CNST: variants seen among roughly 807,000 people sequenced by gnomAD.
CNST encodes the protein consortin, connexin sorting protein.
CNST carries 39 observed loss-of-function variants against 72.4 expected under a neutral mutation model. The observed-to-expected ratio is 0.54, with a 90% CI of 0.42 to 0.70. CNST has a LOEUF of 0.70. Ranked by LOEUF, CNST falls within the 30% of genes least tolerant of loss-of-function variation. CNST has a pLI of 0.00. For missense variants in CNST, 871 were observed against 868.5 expected (o/e 1.00, Z -0.04); for synonymous variants, 332 against 320.1 (o/e 1.04, Z -0.40).
rs552897557 is a variant in CNST, at chr1:246,589,361, G to T, written c.-51-2151G>T. On this transcript the variant is annotated intron_variant, in intron 1 of 10. Coordinates refer to ENST00000366513, the MANE Select transcript of CNST (RefSeq NM_152609.3). ...TTCCCACCTATGAGTGAGAACATGC[G>T]GTGTTTGGTTTTTTGTCCTTGTGAT... Among the ~76,000 whole-genome samples, 34 of 149,978 alleles carry T rather than the reference G, an allele frequency of 2.3e-4. 1 individual carries two copies. Among genetic ancestry groups the T allele is most frequent in the African/African-American group, 7.6e-4 (31 of 40,748 alleles).
chr1:246,635,347 G>A (rs1046656812), intron 6 of CNST, among the ~76,000 whole-genome samples: 1 of 151,656 alleles, frequency 6.6e-6, no homozygotes, highest in Non-Finnish European at 1.5e-5. Context: ...ATTATCAGTG[G>A]GATACCACAG....
chr1:246,665,800 C>T lies in CNST; in HGVS notation c.2073C>T (p.Asp691=). ...GGTALYCTFG[D]MESPVCTDFA... Reference sequence around the variant, plus strand: ...CTGCATTATACTGCACTTTCGGTGACATGGAGTCACCTGTTTGTACTGACT... The same window carrying T: ...CTGCATTATACTGCACTTTCGGTGATATGGAGTCACCTGTTTGTACTGACT... The change falls in exon 11 of 11, where the codon GAC becomes GAT. Residue 691 remains aspartate (D), a synonymous_variant. Coordinates refer to ENST00000366513, the MANE Select transcript of CNST (RefSeq NM_152609.3). 2.5e-6 allele frequency: 4 copies of T among 1,613,996 alleles called. No individual in the cohort carries two copies. Among genetic ancestry groups the T allele is most frequent in the Non-Finnish European group, 3.4e-6 (4 of 1,179,918 alleles).
chr1:246,651,816 T>G (rs1234491459), intron 9 of CNST, among the ~76,000 whole-genome samples: 1 of 152,212 alleles, frequency 6.6e-6, no homozygotes, highest in Non-Finnish European at 1.5e-5. Flanking sequence ...ATCAAAAATT[T>G]TATCCTCCTT....
chr1:246,647,919 C>A lies in CNST; in HGVS notation c.1718C>A (p.Ser573Tyr). 1.9e-6 allele frequency: 3 copies of A among 1,613,812 alleles called. No homozygotes were observed. The highest frequency in any genetic ancestry group is 2.5e-6 in the Non-Finnish European group (3 of 1,179,924). The change falls in exon 9 of 11, where the codon TCC becomes TAC. Residue 573 changes from serine (S) to tyrosine (Y), a missense_variant. Coordinates refer to ENST00000366513, the MANE Select transcript of CNST (RefSeq NM_152609.3). ...TATGAAGATAACCAAGACGACGACT[C>A]CGATCTCCTTCAAGATCTCTCTCCT... ...LSYEDNQDDDSDLLQDLSPEE... is the reference protein window; with the variant it reads ...LSYEDNQDDDYDLLQDLSPEE...
intron 1 of CNST, among the ~76,000 whole-genome samples, chr1:246,568,977 T>C (rs1175345038): frequency 6.6e-6 from 1 of 152,172 alleles, no homozygotes; most frequent in Non-Finnish European, 1.5e-5. Flanking sequence ...CATGCAATCC[T>C]CCCACCTCAG....
At chr1:246,575,658 TTG>T in intron 1 of CNST, among the ~76,000 whole-genome samples, 1 of 152,054 alleles carries the variant, frequency 6.6e-6, no homozygotes, top group Non-Finnish European at 1.5e-5. Flanking sequence ...CTAGAATTGA[TTG>T]TGTACAATTT....
intron 3 of CNST, among the ~76,000 whole-genome samples, chr1:246,625,641 C>T (rs4474215): frequency 0.062 from 9,378 of 151,802 alleles, 927 homozygotes; most frequent in African/African-American, 0.21. Context: ...AGGAGGGTCT[C>T]GATCTCTTGA....
chr1:246,661,330 C>G (rs1463035087), intron 10 of CNST, among the ~76,000 whole-genome samples: 1 of 151,890 alleles, frequency 6.6e-6, no homozygotes. Context: ...GTTGGCCAGG[C>G]TAGTCTCGAA....
intron 1 of CNST, among the ~76,000 whole-genome samples, chr1:246,575,463 A>C (rs1384450305): frequency 3.9e-5 from 6 of 152,238 alleles, no homozygotes. Context: ...AGCTAATTGC[A>C]ATAGACCGCA....
At chr1:246,605,649 G>GGTGTCTTCCGGCCGGGGTGC (rs1455441326) in intron 2 of CNST, among the ~76,000 whole-genome samples, 66 of 146,572 alleles carry the variant, frequency 4.5e-4, no homozygotes, top group African/African-American at 1.7e-3. Flanking sequence ...CTCGGTGGTG[G>GGTGTCTTCCGGCCGGGGTGC]GTGTCTTCCG....
chr1:246,586,775 A>G (rs1228835024), intron 1 of CNST, among the ~76,000 whole-genome samples: 2 of 152,106 alleles, frequency 1.3e-5, no homozygotes, highest in African/African-American at 2.4e-5. Context: ...TGTGTAACCT[A>G]TTTTTCTACA....
chr1:246,602,403 A>G (rs1168030152), intron 2 of CNST, among the ~76,000 whole-genome samples: 2 of 152,136 alleles, frequency 1.3e-5, no homozygotes, highest in African/African-American at 4.8e-5. Flanking sequence ...AGTCATCTCA[A>G]GGTTTGATAG....
At chr1:246,662,440 G>A (rs1366733571) in intron 10 of CNST, among the ~76,000 whole-genome samples, 1 of 152,158 alleles carries the variant, frequency 6.6e-6, no homozygotes, top group Non-Finnish European at 1.5e-5. Context: ...CCCGGCTGGA[G>A]TGCAGTGGTG....
chr1:246,628,189 C>T (rs1184663238), intron 3 of CNST, among the ~76,000 whole-genome samples: 2 of 152,140 alleles, frequency 1.3e-5, no homozygotes, highest in African/African-American at 4.8e-5. Flanking sequence ...AAAAGGGGGT[C>T]TGCCTTCCCC....
In CNST at chr1:246,566,509, G is replaced by A; in HGVS notation, c.-206G>A. 4.6e-6 allele frequency: 2 copies of A among 435,122 alleles called. No homozygotes were observed. The highest frequency in any genetic ancestry group is 8.2e-6 in the Non-Finnish European group (2 of 244,366). The allele number at this position is 435,122 out of a possible 1,614,324, so 27.0% of individuals were successfully genotyped here. On this transcript the variant is annotated 5_prime_UTR_variant, in exon 1 of 11. Transcript: ENST00000366513. ...GCCAGCCGCGAGGGGTGCGCAGAGG[G>A]AGGCGGGGCGGAAAGGCGAGAGGTG...
intron 1 of CNST, among the ~76,000 whole-genome samples, chr1:246,589,357 A>G (rs1661395390): frequency 6.7e-6 from 1 of 148,152 alleles, no homozygotes; most frequent in Non-Finnish European, 1.5e-5. Context: ...GAGTGAGAAC[A>G]TGCGGTGTTT....
chr1:246,608,854 A>G (rs1304862862), intron 2 of CNST, among the ~76,000 whole-genome samples: 1 of 152,182 alleles, frequency 6.6e-6, no homozygotes, highest in East Asian at 1.9e-4. Context: ...CTTAGTCAAC[A>G]CTCAAGTGCA....
intron 10 of CNST, among the ~76,000 whole-genome samples, chr1:246,663,181 C>G (rs1286094249): frequency 1.3e-5 from 2 of 151,556 alleles, no homozygotes; most frequent in African/African-American, 4.9e-5. Flanking sequence ...ATGGCAAGAC[C>G]CCATCTCTAC....
intron 3 of CNST, among the ~76,000 whole-genome samples, chr1:246,624,982 C>T (rs1368604283): frequency 6.6e-6 from 1 of 152,112 alleles, no homozygotes; most frequent in Admixed American, 6.6e-5. Context: ...CTCGTGCACA[C>T]ACACGTATTT....
Sources: allele counts gnomAD v4.1 joint callset (sites outside exome capture counted in the v4.1 genomes callset), GRCh38; gene constraint gnomAD v4.1.1; transcripts MANE v1.5; gene names NCBI Gene and HGNC (gene_info 2026-07-23, HGNC 2026-07-21).